Variants in WDPCP observed in about 807,000 individuals in gnomAD.
WDPCP encodes WD repeat-containing and planar cell polarity effector protein fritz homolog.
Under a neutral mutation model 93.1 loss-of-function variants are expected in WDPCP, and 71 were observed. The ratio of observed to expected loss-of-function variants is 0.76; its 90% CI spans 0.63 to 0.93. The LOEUF (loss-of-function observed/expected upper bound fraction) is 0.93, where lower values mean the gene tolerates loss of function less well. WDPCP is among the 40% of genes least tolerant of loss of function. The pLI is 0.00. For synonymous variants in WDPCP, 315 were observed against 315.0 expected (o/e 1.00, Z 0.00); for missense variants, 844 against 887.4 (o/e 0.95, Z 0.62).
intron 12 of WDPCP, among the ~76,000 whole-genome samples, chr2:63,326,388 A>G (rs1687542175): frequency 6.6e-6 from 1 of 152,154 alleles, no homozygotes; most frequent in Non-Finnish European, 1.5e-5. Context: ...GGCAGGTTAT[A>G]CCATAGTTAG....
At chr2:63,495,347 G>T (rs528902816) in intron 1 of WDPCP, among the ~76,000 whole-genome samples, 8 of 152,248 alleles carry the variant, frequency 5.3e-5, no homozygotes, top group African/African-American at 1.7e-4. Flanking sequence ...TACTCAAAAT[G>T]TTTCCAATGC....
intron 1 of WDPCP, among the ~76,000 whole-genome samples, chr2:63,516,093 T>C (rs1702536929): frequency 1.3e-5 from 2 of 152,110 alleles, no homozygotes; most frequent in Admixed American, 6.5e-5. Context: ...AAAAGTGATG[T>C]AGCTATATTT....
chr2:63,768,356 A>G (rs1345472719), intron 2 of WDPCP, among the ~76,000 whole-genome samples: 2 of 147,736 alleles, frequency 1.4e-5, no homozygotes, highest in African/African-American at 5.0e-5. Flanking sequence ...TTTTTTTTCC[A>G]AATTGTTTTG....
chr2:63,496,688 T>C (rs771747427), intron 1 of WDPCP, among the ~76,000 whole-genome samples: 2 of 152,204 alleles, frequency 1.3e-5, no homozygotes, highest in Non-Finnish European at 2.9e-5. Flanking sequence ...TTTCTCAAAA[T>C]GCTCTGATGT....
chr2:63,561,217 G>T (rs1023738578), intron 1 of WDPCP, among the ~76,000 whole-genome samples: 2 of 152,178 alleles, frequency 1.3e-5, no homozygotes, highest in African/African-American at 2.4e-5. Flanking sequence ...GGTGGCTCAC[G>T]CCTCTAATCC....
intron 9 of WDPCP, among the ~76,000 whole-genome samples, chr2:63,407,148 C>G (rs1694653627): frequency 6.6e-6 from 1 of 151,840 alleles, no homozygotes; most frequent in African/African-American, 2.4e-5. Context: ...GGGTGTGATA[C>G]AGAGAGATCG....
chr2:63,529,025 T>G (rs1703594370), intron 1 of WDPCP, among the ~76,000 whole-genome samples: 1 of 152,226 alleles, frequency 6.6e-6, no homozygotes, highest in South Asian at 2.1e-4. Flanking sequence ...TGTCTATTAT[T>G]GATGTATAAG....
intron 2 of WDPCP, among the ~76,000 whole-genome samples, chr2:63,702,878 C>T (rs182810859): frequency 5.3e-5 from 8 of 152,082 alleles, no homozygotes; most frequent in South Asian, 2.1e-4. Flanking sequence ...CCTCTCCCCC[C>T]ACCCCACAAC....
intron 2 of WDPCP, among the ~76,000 whole-genome samples, chr2:63,691,842 ATACAAGATTTTT>A (rs1351562500): frequency 2.6e-5 from 4 of 151,830 alleles, no homozygotes; most frequent in African/African-American, 9.7e-5. Context: ...GGTATGATCT[ATACAAGATTTTT>A]AAAAATTATA....
chr2:63,177,014 G>T (rs1432551320), intron 14 of WDPCP, among the ~76,000 whole-genome samples: 1 of 152,178 alleles, frequency 6.6e-6, no homozygotes, highest in Non-Finnish European at 1.5e-5. Context: ...TGAAGAGATA[G>T]TTCCTTTTGC....
At chr2:63,383,302 T>A (rs1383984036) in intron 10 of WDPCP, among the ~76,000 whole-genome samples, 3 of 152,130 alleles carry the variant, frequency 2.0e-5, no homozygotes, top group Non-Finnish European at 2.9e-5. Flanking sequence ...TATACCTTTA[T>A]AAAAATGATC....
intron 2 of WDPCP, among the ~76,000 whole-genome samples, chr2:63,737,128 T>C (rs1460421781): frequency 1.3e-5 from 2 of 152,142 alleles, no homozygotes; most frequent in Non-Finnish European, 2.9e-5. Context: ...TTCACAATTC[T>C]CCATGCCTGA....
At chr2:63,587,930 G>A (rs769968502) in intron 1 of WDPCP, among the ~76,000 whole-genome samples, 27 of 152,204 alleles carry the variant, frequency 1.8e-4, no homozygotes, top group Admixed American at 3.9e-4. Flanking sequence ...GAAGGGAGAG[G>A]CTCACCTCCT....
intron 6 of WDPCP, among the ~76,000 whole-genome samples, chr2:63,457,800 T>C (rs1480536224): frequency 6.6e-6 from 1 of 152,216 alleles, no homozygotes; most frequent in African/African-American, 2.4e-5. Flanking sequence ...AGAAAGACCA[T>C]CCATCATACT....
At chr2:63,629,960 G>A (rs1709846777) in intron 3 of WDPCP, among the ~76,000 whole-genome samples, 5 of 152,176 alleles carry the variant, frequency 3.3e-5, no homozygotes, top group Non-Finnish European at 7.3e-5. Context: ...ATGAATAGAT[G>A]CCAATACTGA....
chr2:63,574,508 C>A (rs905705117), intron 1 of WDPCP, among the ~76,000 whole-genome samples: 5 of 152,106 alleles, frequency 3.3e-5, no homozygotes, highest in African/African-American at 1.2e-4. Flanking sequence ...TGCTTTTATA[C>A]CAAGAACATC....
At chr2:63,733,255 A>C (rs889727199) in intron 2 of WDPCP, among the ~76,000 whole-genome samples, 12 of 131,890 alleles carry the variant, frequency 9.1e-5, no homozygotes, top group African/African-American at 3.5e-4. Context: ...TGCGGACTGC[A>C]GTGGCGCAAT....
intron 2 of WDPCP, among the ~76,000 whole-genome samples, chr2:63,730,002 C>T (rs1669537429): frequency 6.6e-6 from 1 of 152,068 alleles, no homozygotes; most frequent in African/African-American, 2.4e-5. Context: ...AGAGCCATTC[C>T]CCAGGCAGGG....
In WDPCP at chr2:63,494,919, CAAAAAAAA is replaced by C. The variant is rs34227025; in HGVS notation, c.76-1987_76-1980del. The stretch of plus-strand genomic sequence containing the variant: ...TGGGCGACAGAGCGAGACTCCGTCT[CAAAAAAAA>C]AAAAAAAAAAAAAGATGGCATGACC... On this transcript the variant is annotated intron_variant, in intron 1 of 17. Transcript: ENST00000272321. Among the ~76,000 whole-genome samples, 18 of 69,644 alleles carry C rather than the reference CAAAAAAAA, an allele frequency of 2.6e-4. No homozygotes were observed. In the East Asian group the frequency reaches 8.2e-3, roughly 32 times the overall value. The allele number at this position is 69,644 out of a possible 152,430, so 45.7% of individuals were successfully genotyped here. A position where few individuals can be genotyped will look rare whatever the true frequency, so the allele number is the denominator to read the frequency against.
Sources: allele counts gnomAD v4.1 joint callset (sites outside exome capture counted in the v4.1 genomes callset), GRCh38; gene constraint gnomAD v4.1.1; transcripts MANE v1.5; gene names NCBI Gene and HGNC (gene_info 2026-07-23, HGNC 2026-07-21).